The following DNAJC6 variants were observed in gnomAD, a reference collection of about 807,000 sequenced individuals.
The protein encoded by DNAJC6 is DnaJ heat shock protein family (Hsp40) member C6, also known as auxilin.
In DNAJC6, 34 loss-of-function variants were observed where a neutral mutation model predicts 110.0. That is an observed-to-expected ratio of 0.31 (90% CI 0.24 to 0.41). The LOEUF is 0.41. DNAJC6 is among the 10% of genes least tolerant of loss of function. The probability of loss-of-function intolerance (pLI) is 1.00; values close to 1 mark genes in which losing one functional copy is unlikely to be tolerated. For missense variants in DNAJC6, 1,031 were observed against 1,207.8 expected (o/e 0.85, Z 2.17); for synonymous variants, 406 against 437.2 (o/e 0.93, Z 0.89).
chr1:65,341,198 A>G (rs1364833251), intron 1 of DNAJC6, among the ~76,000 whole-genome samples: 7 of 152,218 alleles, frequency 4.6e-5, no homozygotes, highest in Non-Finnish European at 1.0e-4. Flanking sequence ...GACCGATACC[A>G]GACACCAAAG....
Position 65,411,331 on chromosome 1 carries a change from A to G in DNAJC6, c.2716A>G (p.Thr906Ala), listed in dbSNP as rs1557569607. Reference sequence around the variant, plus strand: ...GCATACCGTACTATGGGCTGGGGAGACCAAGTGGAAACCAGTTGGCATGGC... The same window carrying G: ...GCATACCGTACTATGGGCTGGGGAGGCCAAGTGGAAACCAGTTGGCATGGC... ...TMHTVLWAGE[T>A]KWKPVGMADL... The change falls in exon 18 of 19, where the codon ACC becomes GCC. Residue 906 changes from threonine (T) to alanine (A), a missense_variant. Thr to Ala is a moderately conservative substitution (Grantham distance 58, BLOSUM62 0). Coordinates refer to ENST00000371069, the MANE Select transcript of DNAJC6 (RefSeq NM_001256864.2). The G allele has an allele frequency of 6.2e-7, 1 of 1,613,990 alleles. No individual in the cohort carries two copies. Among genetic ancestry groups the G allele is most frequent in the African/African-American group, 1.3e-5 (1 of 74,902 alleles).
intron 13 of DNAJC6, 109 bp from the exon 14 acceptor site, chr1:65,398,704 G>T (rs1646002403): frequency 4.7e-6 from 5 of 1,056,214 alleles, no homozygotes; most frequent in Non-Finnish European, 7.1e-6. Context: ...TTGGGATCTT[G>T]CTGGGGCCAT....
chr1:65,390,674 T>G (rs1376518962), intron 11 of DNAJC6, among the ~76,000 whole-genome samples: 2 of 152,244 alleles, frequency 1.3e-5, no homozygotes, highest in African/African-American at 2.4e-5. Context: ...TTATCCTGAT[T>G]GACCTTCCTC....
intron 4 of DNAJC6, among the ~76,000 whole-genome samples, chr1:65,367,077 C>G (rs908266608): frequency 9.9e-5 from 15 of 152,074 alleles, no homozygotes; most frequent in African/African-American, 3.1e-4. Context: ...TTATATGGCT[C>G]CTTCCTGCCC....
rs1347821819 is a variant in DNAJC6 at position 65,413,070 on chromosome 1, A to G, written c.*45A>G. Reference sequence around the variant, plus strand: ...CTGCTGCAGACCTGTGCTAATGCTTAGTGTGTGTCACAATTCTGAGGTTTT... The same window carrying G: ...CTGCTGCAGACCTGTGCTAATGCTTGGTGTGTGTCACAATTCTGAGGTTTT... On this transcript the variant is annotated 3_prime_UTR_variant, in exon 19 of 19. Coordinates refer to ENST00000371069, the MANE Select transcript of DNAJC6 (RefSeq NM_001256864.2). The G allele has an allele frequency of 1.9e-6, 3 of 1,552,922 alleles. No homozygotes were observed. The highest frequency in any genetic ancestry group is 1.8e-5 in the Admixed American group (1 of 56,356).
chr1:65,352,323 G>GA (rs1645498920), intron 1 of DNAJC6, among the ~76,000 whole-genome samples: 1 of 151,972 alleles, frequency 6.6e-6, no homozygotes, highest in South Asian at 2.1e-4. Flanking sequence ...CTGATGAAAT[G>GA]AAAAAAACAT....
intron 1 of DNAJC6, among the ~76,000 whole-genome samples, chr1:65,314,825 G>A (rs1443294218): frequency 1.3e-5 from 2 of 152,236 alleles, no homozygotes; most frequent in Non-Finnish European, 2.9e-5. Context: ...TTATAGTTTG[G>A]ATGTTTCTGG....
chr1:65,389,451 T>C lies in DNAJC6; in HGVS notation c.1387+2T>C, dbSNP rs745902496. 6.2e-7 allele frequency: 1 copy of C among 1,613,872 alleles called. No individual in the cohort carries two copies. The highest frequency in any genetic ancestry group is 8.5e-7 in the Non-Finnish European group (1 of 1,179,908). ...ATCAAGATACGCTGGCCTTAGGAGG[T>C]ATGAGTCACCTGATGGTTTTGTTTT... On this transcript the variant is annotated splice_donor_variant, in intron 10 of 18. Coordinates refer to ENST00000371069, the MANE Select transcript of DNAJC6 (RefSeq NM_001256864.2). LOFTEE classifies it high-confidence loss of function.
chr1:65,272,050 T>C (rs1039531454), intron 1 of DNAJC6, among the ~76,000 whole-genome samples: 20 of 152,170 alleles, frequency 1.3e-4, no homozygotes, highest in African/African-American at 4.3e-4. Flanking sequence ...TTATACTTTT[T>C]CCCCTTTGTC....
At chr1:65,283,415 C>T (rs932499427) in intron 1 of DNAJC6, among the ~76,000 whole-genome samples, 38 of 152,066 alleles carry the variant, frequency 2.5e-4, no homozygotes, top group Middle Eastern at 3.4e-3. Flanking sequence ...CCAAGATTGC[C>T]TTTTTTTTAC....
At chr1:65,409,556 C>T (rs2101641363) in intron 17 of DNAJC6, among the ~76,000 whole-genome samples, 1 of 152,280 alleles carries the variant, frequency 6.6e-6, no homozygotes. Context: ...TATGTTTTCT[C>T]TTTCTGCTTT....
intron 1 of DNAJC6, among the ~76,000 whole-genome samples, chr1:65,359,780 G>A (rs1645580913): frequency 6.6e-6 from 1 of 152,218 alleles, no homozygotes. Flanking sequence ...CGTAAGATCT[G>A]TGGCACTACT....
chr1:65,279,635 C>T (rs1284813583), intron 1 of DNAJC6: 1 of 152,180 alleles, frequency 6.6e-6, no homozygotes, highest in Non-Finnish European at 1.5e-5. Context: ...ATCCTGGCTT[C>T]ATTTTACATT....
At chr1:65,314,640 C>G (rs1160892992) in intron 1 of DNAJC6, among the ~76,000 whole-genome samples, 1 of 152,200 alleles carries the variant, frequency 6.6e-6, no homozygotes, top group Non-Finnish European at 1.5e-5. Context: ...AGGCACCCAC[C>G]ACCAGCCAGG....
intron 1 of DNAJC6, among the ~76,000 whole-genome samples, chr1:65,353,737 G>A (rs1418157987): frequency 5.3e-5 from 8 of 152,006 alleles, no homozygotes; most frequent in Non-Finnish European, 1.0e-4. Context: ...CTATCTCTTT[G>A]AAGATAAACA....
At chr1:65,390,931 T>C (rs1398178244) in intron 11 of DNAJC6, among the ~76,000 whole-genome samples, 1 of 152,206 alleles carries the variant, frequency 6.6e-6, no homozygotes, top group Non-Finnish European at 1.5e-5. Context: ...AACTTCACTC[T>C]TTCCTCTCCA....
At chr1:65,391,646 T>A (rs1446850279) in intron 11 of DNAJC6, among the ~76,000 whole-genome samples, 1 of 151,904 alleles carries the variant, frequency 6.6e-6, no homozygotes, top group African/African-American at 2.4e-5. Context: ...GATAATGGTT[T>A]GTACTACCCT....
rs999052336 is a variant in DNAJC6 at position 65,414,441 on chromosome 1, G to T, written c.*1416G>T. ...AAGATTTTCATGCTAATCTTCAAAG[G>T]TTCATGCTCAATATTGTGAAAAGCT... is the stretch of plus-strand genomic sequence containing the variant. On this transcript the variant is annotated 3_prime_UTR_variant, in exon 19 of 19. Transcript: ENST00000371069. 6.6e-6 allele frequency: 1 copy of T among 152,536 alleles called. No homozygotes were observed. The highest frequency in any genetic ancestry group is 2.4e-5 in the African/African-American group (1 of 41,396). The allele number at this position is 152,536 out of a possible 1,614,324, so 9.4% of individuals were successfully genotyped here.
intron 1 of DNAJC6, among the ~76,000 whole-genome samples, chr1:65,330,360 TTTGTGCACA>T (rs1276092143): frequency 3.3e-5 from 5 of 152,246 alleles, no homozygotes; most frequent in African/African-American, 1.2e-4. Context: ...TTTCTTTTTC[TTTGTGCACA>T]TTGTCTACAA....
Sources: gnomAD v4.1 joint callset for allele counts (sites outside exome capture counted in the v4.1 genomes callset) on GRCh38, gnomAD v4.1.1 for gene constraint, MANE v1.5 for transcripts, NCBI Gene and HGNC (gene_info 2026-07-23, HGNC 2026-07-21) for gene names.